CATSPERE: variants seen among roughly 807,000 people sequenced by gnomAD.
CATSPERE encodes the protein cation channel sperm-associated auxiliary subunit epsilon.
A neutral mutation model predicts 114.1 loss-of-function variants in CATSPERE; 93 were observed. The ratio of observed to expected loss-of-function variants is 0.81; its 90% CI spans 0.69 to 0.97. The LOEUF (loss-of-function observed/expected upper bound fraction) is 0.97, where lower values mean the gene tolerates loss of function less well. Ranked by LOEUF, CATSPERE falls within the 50% of genes least tolerant of loss-of-function variation. The pLI is 0.00. For missense variants in CATSPERE, 1,058 were observed against 1,131.6 expected (o/e 0.93, Z 0.93); for synonymous variants, 341 against 384.1 (o/e 0.89, Z 1.31).
upstream of CATSPERE, chr1:244,451,950 G>C: frequency 1.0e-6 from 1 of 962,868 alleles, no homozygotes; most frequent in Non-Finnish European, 1.5e-6. The surrounding 1 kb of genome is among the most constrained non-coding windows in gnomAD (Gnocchi z 6.6). Context: ...CGCCCCGCCG[G>C]GCCGCCACCC....
intron 17 of CATSPERE, among the ~76,000 whole-genome samples, chr1:244,600,105 G>C (rs142707593): frequency 6.6e-6 from 1 of 152,090 alleles, no homozygotes; most frequent in Non-Finnish European, 1.5e-5. Context: ...ACTCCCTCCC[G>C]TGATAGACAC....
Position 244,524,722 on chromosome 1 carries a change from A to G in CATSPERE, c.536+6024A>G, listed in dbSNP as rs1167849082. 9.5e-4 allele frequency among the ~76,000 whole-genome samples: 143 copies of G among 150,448 alleles called. 1 individual carries two copies. Among genetic ancestry groups the G allele is most frequent in the African/African-American group, 3.4e-3 (135 of 39,932 alleles). On this transcript the variant is annotated intron_variant, in intron 8 of 21. Coordinates refer to ENST00000366534, the MANE Select transcript of CATSPERE (RefSeq NM_001130957.2). ...TCAAAAGAAGACATTTATGCAGCCAAAAACCACATGAAAAAATGCTCACCA... is the reference window on the plus strand; with the variant it reads ...TCAAAAGAAGACATTTATGCAGCCAGAAACCACATGAAAAAATGCTCACCA...
chr1:244,472,984 C>A (rs1668730262), intron 2 of CATSPERE, among the ~76,000 whole-genome samples: 1 of 152,142 alleles, frequency 6.6e-6, no homozygotes, highest in African/African-American at 2.4e-5. Flanking sequence ...CTGAGTAATA[C>A]TCTATTGTCT....
chr1:244,517,993 T>TCTA (rs1157418673), intron 7 of CATSPERE, among the ~76,000 whole-genome samples: 1 of 152,170 alleles, frequency 6.6e-6, no homozygotes, highest in East Asian at 1.9e-4. Flanking sequence ...AGGATAGAAT[T>TCTA]CTAGACTAGC....
chr1:244,627,192 A>G (rs1369443660), intron 20 of CATSPERE, among the ~76,000 whole-genome samples: 2 of 152,176 alleles, frequency 1.3e-5, no homozygotes, highest in African/African-American at 4.8e-5. Flanking sequence ...GTCAGAGCAT[A>G]CGTAACATTG....
chr1:244,461,375 C>A lies in CATSPERE; in HGVS notation c.-55C>A. The stretch of plus-strand genomic sequence containing the variant: ...GCCGGGCCGACGTCCCACGGGAATG[C>A]GCGAGGCCTGGACGGGAGTGGCCGA... On this transcript the variant is annotated 5_prime_UTR_variant, in exon 1 of 22. Coordinates refer to ENST00000366534, the MANE Select transcript of CATSPERE (RefSeq NM_001130957.2). The A allele has an allele frequency of 7.7e-7, 1 of 1,296,712 alleles. No individual in the cohort carries two copies. The allele number at this position is 1,296,712 out of a possible 1,614,324, so 80.3% of individuals were successfully genotyped here.
At chr1:244,629,007 C>G (rs1262766827) in intron 20 of CATSPERE, among the ~76,000 whole-genome samples, 1 of 152,190 alleles carries the variant, frequency 6.6e-6, no homozygotes, top group Non-Finnish European at 1.5e-5. Context: ...TAAGAGGCAA[C>G]CCAGGTTTCA....
chr1:244,595,258 T>C (rs531761890), intron 17 of CATSPERE, among the ~76,000 whole-genome samples: 27 of 152,246 alleles, frequency 1.8e-4, no homozygotes, highest in Admixed American at 3.3e-4. Flanking sequence ...CTGAGTGTAA[T>C]GACAGAATGG....
intron 20 of CATSPERE, among the ~76,000 whole-genome samples, chr1:244,628,423 C>T (rs1673478141): frequency 6.6e-6 from 1 of 152,142 alleles, no homozygotes; most frequent in African/African-American, 2.4e-5. Flanking sequence ...ATTCGAGTAG[C>T]TGGGGAAATA....
chr1:244,451,732 C>A, upstream of CATSPERE: 1 of 1,607,746 alleles, frequency 6.2e-7, no homozygotes, highest in Non-Finnish European at 8.5e-7. This position sits in a 1 kb window ranked among gnomAD's most constrained non-coding sequence, Gnocchi z 6.6. Flanking sequence ...CACCGTCACC[C>A]GGTTTCCTCC....
At chr1:244,583,517 C>T (rs1273381563) in intron 12 of CATSPERE, among the ~76,000 whole-genome samples, 1 of 152,116 alleles carries the variant, frequency 6.6e-6, no homozygotes, top group Non-Finnish European at 1.5e-5. Context: ...ACCTTCAGGT[C>T]GAGATGTCTG....
At position 244,518,697 on chromosome 1, in the gene CATSPERE, G is replaced by A. The variant is rs189730930; in HGVS notation, c.535G>A (p.Gly179Arg). 38 of 1,455,508 alleles carry A rather than the reference G, an allele frequency of 2.6e-5. No homozygotes were observed. The highest frequency in any genetic ancestry group is 3.4e-5 in the Non-Finnish European group (36 of 1,071,516). 90.2% of individuals were successfully genotyped at this position (1,455,508 alleles called of 1,614,324 possible). The part of the protein sequence containing the change: ...VYSSNEKMRR[G>R]TWRIVVPMTK... The stretch of plus-strand genomic sequence containing the variant: ...TTCTTCAAATGAGAAAATGAGAAGG[G>A]GGTATTTAATTTTTTTTAATTTTAA... The change falls in exon 8 of 22, where the codon GGG becomes AGG. Residue 179 changes from glycine to arginine, a missense_variant and splice_region_variant. Gly to Arg is a moderately radical substitution (Grantham distance 125). Transcript: ENST00000366534.
intron 20 of CATSPERE, among the ~76,000 whole-genome samples, chr1:244,632,787 C>T (rs546241283): frequency 7.2e-5 from 11 of 152,124 alleles, no homozygotes; most frequent in South Asian, 2.1e-4. Context: ...TTAACTCTAA[C>T]GATATCAACA....
At chr1:244,552,925 G>A (rs1272367532) in intron 9 of CATSPERE, 111 bp downstream of exon 9, 11 of 531,212 alleles carry the variant, frequency 2.1e-5, no homozygotes, top group East Asian at 5.1e-5. Flanking sequence ...TCTTTGCCCA[G>A]TTGTTTTATC....
At chr1:244,460,770 A>G (rs1200352877), upstream of CATSPERE, among the ~76,000 whole-genome samples, 1 of 152,080 alleles carries the variant, frequency 6.6e-6, no homozygotes, top group African/African-American at 2.4e-5. Context: ...AAAAATTAGC[A>G]GGGCCTTGTG....
chr1:244,520,881 A>G (rs183766780), intron 8 of CATSPERE, among the ~76,000 whole-genome samples: 1 of 152,376 alleles, frequency 6.6e-6, no homozygotes, highest in East Asian at 1.9e-4. Flanking sequence ...AACAATTATT[A>G]TTTAACAATC....
rs3123470 is a variant in CATSPERE, at chr1:244,486,458, T to C, written c.327-3989T>C. Reference sequence around the variant, plus strand: ...TACTCGTGGGCCAGGTACAGACCCTTGTAGTCACCTGGTGGGTGGTCCAGC... The same window carrying C: ...TACTCGTGGGCCAGGTACAGACCCTCGTAGTCACCTGGTGGGTGGTCCAGC... On this transcript the variant is annotated intron_variant, in intron 5 of 21. Coordinates refer to ENST00000366534, the MANE Select transcript of CATSPERE (RefSeq NM_001130957.2). Among the ~76,000 whole-genome samples, 223 of 108,078 alleles carry C rather than the reference T, an allele frequency of 2.1e-3. 2 individuals carry two copies. The South Asian group carries it at 0.025, about 12-fold the overall frequency. 70.9% of individuals were successfully genotyped at this position (108,078 alleles called of 152,430 possible).
Position 244,474,708 on chromosome 1 carries a change from T to C in CATSPERE, c.115-2833T>C, listed in dbSNP as rs570569966. On this transcript the variant is annotated intron_variant, in intron 2 of 21. Coordinates refer to ENST00000366534, the MANE Select transcript of CATSPERE (RefSeq NM_001130957.2). ...TGCTTAGTCTTAAATCACTTAATCA[T>C]TTTTTAATCCCTTCTTTTTTTTCTT... 1.1e-3 allele frequency among the ~76,000 whole-genome samples: 166 copies of C among 151,738 alleles called. 1 individual carries two copies. The highest frequency in any genetic ancestry group is 1.4e-3 in the Non-Finnish European group (96 of 67,906).
At chr1:244,566,581 C>T (rs1663538668) in intron 10 of CATSPERE, among the ~76,000 whole-genome samples, 1 of 149,586 alleles carries the variant, frequency 6.7e-6, no homozygotes, top group Admixed American at 6.7e-5. Flanking sequence ...TTATGTAATG[C>T]CCTTCTTTGT....
Sources: gnomAD v4.1 joint callset for allele counts (sites outside exome capture counted in the v4.1 genomes callset) on GRCh38, gnomAD v4.1.1 for gene constraint, Gnocchi (gnomAD v3.1) non-coding constraint, MANE v1.5 for transcripts, NCBI Gene and HGNC (gene_info 2026-07-23, HGNC 2026-07-21) for gene names.